Variants in ELMO1 observed in about 807,000 individuals in gnomAD.
ELMO1 encodes engulfment and cell motility 1, also known as engulfment and cell motility protein 1.
In ELMO1, 26 loss-of-function variants were observed where a neutral mutation model predicts 98.9. The observed-to-expected ratio is 0.26, with a 90% CI of 0.19 to 0.36. The LOEUF is 0.36. Ranked by LOEUF, ELMO1 falls within the 10% of genes least tolerant of loss-of-function variation. ELMO1 has a pLI of 1.00. For missense variants in ELMO1, 627 were observed against 935.2 expected (o/e 0.67, Z 4.30); for synonymous variants, 346 against 346.0 (o/e 1.00, Z 0.00).
rs1805778138 is a variant in ELMO1, at chr7:37,448,855, C to T, written c.-254G>A. The T allele has an allele frequency of 6.5e-6, 1 of 153,328 alleles. No homozygotes were observed. The highest frequency in any genetic ancestry group is 2.1e-4 in the South Asian group (1 of 4,858). 9.5% of individuals were successfully genotyped at this position (153,328 alleles called of 1,614,324 possible). On this transcript the variant is annotated 5_prime_UTR_variant, in exon 1 of 22. It adds an upstream start codon to the 5' untranslated region. Coordinates refer to ENST00000310758, the MANE Select transcript of ELMO1 (RefSeq NM_014800.11). ...GCTCCCGCTCGCCCCAGCACACGCA[C>T]TTACACTCTGGGTCGGCCGGCTGCT...
chr7:36,957,036 C>G (rs1416174995), intron 16 of ELMO1, among the ~76,000 whole-genome samples: 6 of 152,234 alleles, frequency 3.9e-5, no homozygotes, highest in African/African-American at 1.2e-4. Context: ...ATAGCCAAAG[C>G]TATTTAAGGG....
chr7:37,060,635 G>A (rs1778608367), intron 15 of ELMO1, among the ~76,000 whole-genome samples: 1 of 149,708 alleles, frequency 6.7e-6, no homozygotes, highest in Non-Finnish European at 1.5e-5. Flanking sequence ...TGTACCCTCT[G>A]AACCTAAAAG....
intron 16 of ELMO1, among the ~76,000 whole-genome samples, chr7:36,980,981 A>G (rs1439349517): frequency 6.6e-6 from 1 of 152,094 alleles, no homozygotes; most frequent in African/African-American, 2.4e-5. Flanking sequence ...CAACATTCAC[A>G]AGGCATTCTT....
chr7:37,194,114 T>C (rs572034036), intron 13 of ELMO1, among the ~76,000 whole-genome samples: 20 of 152,290 alleles, frequency 1.3e-4, no homozygotes, highest in African/African-American at 4.6e-4. Flanking sequence ...GTTTATTCTC[T>C]GCTCTATAGT....
chr7:36,867,311 C>T (rs1347636585), intron 20 of ELMO1, among the ~76,000 whole-genome samples: 1 of 152,108 alleles, frequency 6.6e-6, no homozygotes, highest in Admixed American at 6.5e-5. Context: ...TTTTTAGTCT[C>T]CTTTAAGGAG....
intron 15 of ELMO1, among the ~76,000 whole-genome samples, chr7:37,072,702 G>A (rs543232903): frequency 8.5e-5 from 13 of 152,092 alleles, no homozygotes; most frequent in Non-Finnish European, 1.6e-4. Flanking sequence ...AATAACATGC[G>A]TCACCATTAA....
intron 1 of ELMO1, among the ~76,000 whole-genome samples, chr7:37,388,143 T>C (rs1802890725): frequency 6.6e-6 from 1 of 152,156 alleles, no homozygotes; most frequent in African/African-American, 2.4e-5. Flanking sequence ...TAACAATCTG[T>C]GGAATACACT....
intron 1 of ELMO1, among the ~76,000 whole-genome samples, chr7:37,392,143 CT>C (rs1242746470): frequency 6.6e-5 from 10 of 151,752 alleles, no homozygotes; most frequent in South Asian, 2.1e-4. Flanking sequence ...GGATGGTAAA[CT>C]TTTTTTTTTA....
intron 1 of ELMO1, among the ~76,000 whole-genome samples, chr7:37,347,674 T>C (rs553090283): frequency 6.6e-6 from 1 of 152,284 alleles, no homozygotes; most frequent in East Asian, 1.9e-4. Flanking sequence ...CACATGAAAC[T>C]GAGTCCATGT....
At chr7:37,080,482 G>T (rs1057499431) in intron 15 of ELMO1, among the ~76,000 whole-genome samples, 35 of 148,508 alleles carry the variant, frequency 2.4e-4, no homozygotes, top group Middle Eastern at 3.5e-3. Context: ...GTGTCACCCA[G>T]GCTGGAGTGC....
intron 1 of ELMO1, among the ~76,000 whole-genome samples, chr7:37,442,367 T>C (rs747699332): frequency 9.2e-5 from 14 of 152,294 alleles, no homozygotes; most frequent in South Asian, 2.1e-4. Flanking sequence ...TTAGTTGGTA[T>C]GAATCTATCA....
chr7:36,862,767 C>G (rs1434178552), intron 20 of ELMO1, among the ~76,000 whole-genome samples: 1 of 152,222 alleles, frequency 6.6e-6, no homozygotes, highest in African/African-American at 2.4e-5. Flanking sequence ...GACCATCCCT[C>G]TCCCCTCCTG....
At chr7:37,190,040 C>CAAAAAAAAAAAAAA (rs34898853) in intron 13 of ELMO1, among the ~76,000 whole-genome samples, 1 of 135,842 alleles carries the variant, frequency 7.4e-6, no homozygotes, top group African/African-American at 2.7e-5. Context: ...TTGTCCCTAC[C>CAAAAAAAAAAAAAA]AAAAAAAAAA....
intron 15 of ELMO1, among the ~76,000 whole-genome samples, chr7:37,093,630 A>T (rs957820607): frequency 9.2e-5 from 14 of 152,252 alleles, no homozygotes; most frequent in African/African-American, 2.7e-4. Context: ...TTAGCTTTGC[A>T]TATTAGTAAC....
intron 14 of ELMO1, among the ~76,000 whole-genome samples, chr7:37,130,739 G>C (rs973996952): frequency 2.1e-5 from 3 of 144,990 alleles, no homozygotes; most frequent in Non-Finnish European, 3.0e-5. Flanking sequence ...GGGAATATTT[G>C]TGCATATATA....
intron 1 of ELMO1, among the ~76,000 whole-genome samples, chr7:37,417,712 CA>C (rs1444098807): frequency 7.5e-6 from 1 of 132,570 alleles, no homozygotes; most frequent in East Asian, 2.2e-4. Flanking sequence ...TGTGGTGGCA[CA>C]CACCTGTAGT....
intron 13 of ELMO1, among the ~76,000 whole-genome samples, chr7:37,140,626 T>C (rs1787575115): frequency 6.6e-6 from 1 of 152,100 alleles, no homozygotes; most frequent in Admixed American, 6.6e-5. Flanking sequence ...ATATTCACAA[T>C]CTATACATCT....
intron 13 of ELMO1, among the ~76,000 whole-genome samples, chr7:37,143,061 G>A (rs1412872867): frequency 1.3e-5 from 2 of 152,160 alleles, no homozygotes; most frequent in African/African-American, 2.4e-5. Flanking sequence ...TTCCTTTAAA[G>A]AACTACGTGA....
At chr7:37,079,200 A>C (rs1332250863) in intron 15 of ELMO1, among the ~76,000 whole-genome samples, 1 of 152,170 alleles carries the variant, frequency 6.6e-6, no homozygotes, top group Non-Finnish European at 1.5e-5. Flanking sequence ...TATTTCTCCC[A>C]CCAATAAAAA....
Sources: gnomAD v4.1 joint callset for allele counts (sites outside exome capture counted in the v4.1 genomes callset) on GRCh38, gnomAD v4.1.1 for gene constraint, MANE v1.5 for transcripts, NCBI Gene and HGNC (gene_info 2026-07-23, HGNC 2026-07-21) for gene names.